CDC40: variants seen among roughly 807,000 people sequenced by gnomAD.
CDC40 encodes the protein cell division cycle 40, also known as pre-mRNA-processing factor 17.
CDC40 carries 27 observed loss-of-function variants against 80.6 expected under a neutral mutation model. That is an observed-to-expected ratio of 0.33 (90% CI 0.25 to 0.46). The LOEUF is 0.46. Among genes scored for constraint, CDC40 ranks in the 20% least tolerant of loss-of-function variants. The pLI, the probability that CDC40 is intolerant of heterozygous loss-of-function variation, is 1.00. For synonymous variants in CDC40, 221 were observed against 232.6 expected, an observed-to-expected ratio of 0.95 and a Z score of 0.45; for missense variants, 486 against 694.1, an observed-to-expected ratio of 0.70 and a Z score of 3.37.
At chr6:110,220,507 C>A (rs1441147877) in intron 12 of CDC40, among the ~76,000 whole-genome samples, 1 of 136,140 alleles carries the variant, frequency 7.3e-6, no homozygotes, top group Admixed American at 8.2e-5. Flanking sequence ...TGCAGTGGCG[C>A]AATCTCAGCT....
intron 12 of CDC40, among the ~76,000 whole-genome samples, chr6:110,221,655 C>T (rs1777777715): frequency 6.6e-6 from 1 of 152,140 alleles, no homozygotes; most frequent in South Asian, 2.1e-4. Flanking sequence ...GTTTTATATA[C>T]TTTAACAGGT....
chr6:110,184,115 C>CT (rs1314554258), intron 1 of CDC40, among the ~76,000 whole-genome samples: 1 of 152,188 alleles, frequency 6.6e-6, no homozygotes, highest in Non-Finnish European at 1.5e-5. Context: ...CTCTTGAAAG[C>CT]TTTTCACATT....
At chr6:110,185,953 T>C (rs781309071) in intron 1 of CDC40, among the ~76,000 whole-genome samples, 2 of 152,230 alleles carry the variant, frequency 1.3e-5, no homozygotes, top group African/African-American at 4.8e-5. Flanking sequence ...TTCTATTCTT[T>C]AAGTGGTTAC....
In CDC40 at chr6:110,219,861, T is replaced by C. The variant is rs751196368; in HGVS notation, c.1332T>C (p.Val444=). 3.7e-6 allele frequency: 6 copies of C among 1,613,280 alleles called. No individual in the cohort carries two copies. The highest frequency in any genetic ancestry group is 4.2e-6 in the Non-Finnish European group (5 of 1,179,698). The change falls in exon 12 of 15, where the codon GTT becomes GTC. Residue 444 remains valine (V), a synonymous_variant. Transcript: ENST00000307731. ...VSTSDDKSLR[V]WEWDIPVDFK... is the part of the protein sequence containing the mutation. ...CATCTGATGATAAAAGCCTAAGAGT[T>C]TGGGAATGGTGAGTTTCCATCAGTA...
At chr6:110,187,337 C>T (rs1166113159) in intron 1 of CDC40, among the ~76,000 whole-genome samples, 3 of 152,222 alleles carry the variant, frequency 2.0e-5, no homozygotes, top group African/African-American at 7.2e-5. Context: ...CAACCAGTGA[C>T]TATGTTACTT....
At chr6:110,212,643 T>C (rs968163469) in intron 7 of CDC40, among the ~76,000 whole-genome samples, 4 of 152,212 alleles carry the variant, frequency 2.6e-5, no homozygotes, top group African/African-American at 9.6e-5. Flanking sequence ...AGCTCTGTGG[T>C]TATCACACTT....
At chr6:110,226,056 T>C (rs1213185618) in intron 12 of CDC40, 111 bp from the exon 13 acceptor site, 3 of 641,690 alleles carry the variant, frequency 4.7e-6, no homozygotes, top group Non-Finnish European at 8.3e-6. Context: ...TTATTAAATA[T>C]ATAATATCAA....
intron 9 of CDC40, 104 bp downstream of exon 9, chr6:110,215,435 T>C: frequency 2.2e-6 from 2 of 904,306 alleles, no homozygotes; most frequent in Non-Finnish European, 3.6e-6. Context: ...AAACTCTTCA[T>C]AGATTTCAGC....
rs534320557 is a variant in CDC40 at position 110,222,385 on chromosome 6, C to T, written c.1340+2516C>T. On this transcript the variant is annotated intron_variant, in intron 12 of 14. Transcript: ENST00000307731. ...CAGCCTGGCCAACATGGTAAAACCC[C>T]GTCTGTACTAAAAATACAAAAATTA... is the stretch of plus-strand genomic sequence containing the variant. Among the ~76,000 whole-genome samples the T allele has an allele frequency of 8.5e-5, 13 of 152,238 alleles. No homozygotes were observed. In the South Asian group the frequency reaches 1.5e-3, roughly 17 times the overall value.
chr6:110,188,007 G>T (rs1427317046), intron 1 of CDC40, among the ~76,000 whole-genome samples: 1 of 152,134 alleles, frequency 6.6e-6, no homozygotes, highest in East Asian at 1.9e-4. Flanking sequence ...TCGTTTTCTT[G>T]AGAGTTGTTC....
chr6:110,208,038 C>T (rs1777587890), intron 4 of CDC40, among the ~76,000 whole-genome samples: 1 of 152,148 alleles, frequency 6.6e-6, no homozygotes, highest in African/African-American at 2.4e-5. Flanking sequence ...TGTATGTATG[C>T]TTGTATTCAT....
chr6:110,202,123 T>A (rs1395886165), intron 3 of CDC40, among the ~76,000 whole-genome samples: 3 of 152,298 alleles, frequency 2.0e-5, no homozygotes, highest in Middle Eastern at 3.4e-3. Flanking sequence ...CTGAAGGGTA[T>A]CAGGAAAGAG....
At chr6:110,200,060 A>G (rs945100026) in intron 2 of CDC40, among the ~76,000 whole-genome samples, 1 of 152,204 alleles carries the variant, frequency 6.6e-6, no homozygotes, top group Non-Finnish European at 1.5e-5. Flanking sequence ...ATCAGGAGGC[A>G]CAGGAAGGAC....
intron 10 of CDC40, among the ~76,000 whole-genome samples, chr6:110,218,791 A>G (rs1021378064): frequency 3.3e-5 from 5 of 152,138 alleles, no homozygotes; most frequent in African/African-American, 1.2e-4. Context: ...CACATACAGT[A>G]AAATGTATGA....
chr6:110,215,893 ATTAGAG>A (rs1016510816), intron 9 of CDC40, among the ~76,000 whole-genome samples: 3 of 152,338 alleles, frequency 2.0e-5, no homozygotes, highest in African/African-American at 4.8e-5. Context: ...GGAACTACGT[ATTAGAG>A]TTAAAGTCAG....
At chr6:110,221,313 G>A (rs146607024) in intron 12 of CDC40, among the ~76,000 whole-genome samples, 82 of 152,272 alleles carry the variant, frequency 5.4e-4, no homozygotes, top group African/African-American at 2.0e-3. Context: ...TTGAATCACA[G>A]CCAGTGGTTT....
chr6:110,226,987 A>G (rs991395007), intron 13 of CDC40, among the ~76,000 whole-genome samples: 2 of 152,118 alleles, frequency 1.3e-5, no homozygotes, highest in Non-Finnish European at 2.9e-5. Flanking sequence ...CAGCCTGGGC[A>G]ACAGAGCAAG....
intron 1 of CDC40, among the ~76,000 whole-genome samples, chr6:110,184,390 T>A (rs978675677): frequency 6.6e-6 from 1 of 151,826 alleles, no homozygotes; most frequent in Non-Finnish European, 1.5e-5. Flanking sequence ...AGTTTTGTTT[T>A]TTTTTTTCTC....
intron 12 of CDC40, among the ~76,000 whole-genome samples, chr6:110,221,279 T>G (rs547150240): frequency 6.6e-6 from 1 of 152,330 alleles, no homozygotes; most frequent in African/African-American, 2.4e-5. Context: ...CCAGAAGCTT[T>G]TCTGCTTTAA....
Sources: gnomAD v4.1 joint callset for allele counts (sites outside exome capture counted in the v4.1 genomes callset) on GRCh38, gnomAD v4.1.1 for gene constraint, MANE v1.5 for transcripts, NCBI Gene and HGNC (gene_info 2026-07-23, HGNC 2026-07-21) for gene names.